The following JKAMP variants were observed in gnomAD, a reference collection of about 807,000 sequenced individuals.
JKAMP encodes JNK1/MAPK8 associated membrane protein, also known as JNK1/MAPK8-associated membrane protein.
In JKAMP, 20 loss-of-function variants were observed where a neutral mutation model predicts 40.2. The observed-to-expected ratio is 0.50, with a 90% CI of 0.35 to 0.72. The LOEUF (loss-of-function observed/expected upper bound fraction) is 0.72, where lower values mean the gene tolerates loss of function less well. JKAMP is among the 30% of genes least tolerant of loss of function. The probability of loss-of-function intolerance (pLI) is 0.01; values close to 1 mark genes in which losing one functional copy is unlikely to be tolerated. For missense variants in JKAMP, 276 were observed against 373.0 expected (o/e 0.74, Z 2.14); for synonymous variants, 138 against 131.6 (o/e 1.05, Z -0.33).
At chr14:59,503,730 C>T (rs1015343978) in intron 6 of JKAMP, 124 bp from the exon 7 acceptor site, 10 of 628,924 alleles carry the variant, frequency 1.6e-5, no homozygotes, top group Middle Eastern at 4.3e-4. Context: ...TCTTTTTTAG[C>T]TCAAACATTT....
At chr14:59,487,613 G>A in intron 2 of JKAMP, 61 bp from the exon 3 acceptor site, 1 of 1,235,856 alleles carries the variant, frequency 8.1e-7, no homozygotes, top group Non-Finnish European at 1.2e-6. Context: ...GAATGATTTG[G>A]GGGGGTGTTA....
intron 3 of JKAMP, among the ~76,000 whole-genome samples, chr14:59,493,208 A>G (rs1891167072): frequency 6.6e-6 from 1 of 152,198 alleles, no homozygotes; most frequent in Admixed American, 6.5e-5. Flanking sequence ...ATAAACAGAA[A>G]TTCACACCTG....
At chr14:59,491,154 A>G (rs1594936846) in intron 3 of JKAMP, among the ~76,000 whole-genome samples, 1 of 152,240 alleles carries the variant, frequency 6.6e-6, no homozygotes, top group Non-Finnish European at 1.5e-5. Context: ...AACTGGGGAT[A>G]ACCCCTGAGC....
In JKAMP at chr14:59,505,270, T is replaced by G. The variant is rs1566586765; in HGVS notation, c.*1198T>G. On this transcript the variant is annotated 3_prime_UTR_variant, in exon 7 of 7. Transcript: ENST00000616435. Reference sequence around the variant, plus strand: ...TGTTAATGTATTTTTCTCAGTACATTTAACCACTGGGAAATGAACCCTTGT... The same window carrying G: ...TGTTAATGTATTTTTCTCAGTACATGTAACCACTGGGAAATGAACCCTTGT... 6.6e-7 allele frequency: 1 copy of G among 1,510,382 alleles called. No individual in the cohort carries two copies. Among genetic ancestry groups the G allele is most frequent in the East Asian group, 2.5e-5 (1 of 40,562 alleles). The allele number at this position is 1,510,382 out of a possible 1,614,324, so 93.6% of individuals were successfully genotyped here.
At chr14:59,492,200 G>A (rs1353061510) in intron 3 of JKAMP, among the ~76,000 whole-genome samples, 1 of 152,124 alleles carries the variant, frequency 6.6e-6, no homozygotes, top group African/African-American at 2.4e-5. Context: ...ATAAATACAT[G>A]TGATGGGGAA....
intron 3 of JKAMP, among the ~76,000 whole-genome samples, chr14:59,494,322 A>G (rs1200278620): frequency 6.6e-6 from 1 of 152,246 alleles, no homozygotes; most frequent in African/African-American, 2.4e-5. Flanking sequence ...TAACCACAGA[A>G]TGGATAAACA....
At chr14:59,494,827 T>C (rs1891317165) in intron 3 of JKAMP, among the ~76,000 whole-genome samples, 191 bp from the exon 4 acceptor site, 1 of 152,244 alleles carries the variant, frequency 6.6e-6, no homozygotes, top group South Asian at 2.1e-4. Context: ...AATTTCTGCT[T>C]TTCTGTTACA....
chr14:59,500,943 G>A, intron 5 of JKAMP: 2 of 403,226 alleles, frequency 5.0e-6, no homozygotes, highest in Admixed American at 8.7e-5. Context: ...ATTCTCTATG[G>A]CTGCTTTCCC....
Position 59,495,014 on chromosome 14 carries a change from C to T in JKAMP, c.252-4C>T, listed in dbSNP as rs1457466455. 6 of 1,610,480 alleles carry T rather than the reference C, an allele frequency of 3.7e-6. No individual in the cohort carries two copies. The highest frequency in any genetic ancestry group is 5.1e-6 in the Non-Finnish European group (6 of 1,177,144). ...TAGTAATCATGCCTCTTTTCCTTCTCTAGTTCCAGCGCACTTTTCCAACAC... is the reference window on the plus strand; with the variant it reads ...TAGTAATCATGCCTCTTTTCCTTCTTTAGTTCCAGCGCACTTTTCCAACAC... On this transcript the variant is annotated splice_region_variant and splice_polypyrimidine_tract_variant and intron_variant, in intron 3 of 6. Coordinates refer to ENST00000616435, the MANE Select transcript of JKAMP (RefSeq NM_016475.5).
intron 5 of JKAMP, chr14:59,500,846 C>A: frequency 6.0e-6 from 1 of 166,768 alleles, no homozygotes; most frequent in Non-Finnish European, 1.3e-5. Flanking sequence ...AATCAAAAGA[C>A]TTATATTTCT....
rs776995090 is a variant in JKAMP, at chr14:59,495,240, G to C, written c.458+16G>C. 5 of 1,528,832 alleles carry C rather than the reference G, an allele frequency of 3.3e-6. No individual in the cohort carries two copies. The highest frequency in any genetic ancestry group is 2.7e-6 in the Non-Finnish European group (3 of 1,114,788). 94.7% of individuals were successfully genotyped at this position (1,528,832 alleles called of 1,614,324 possible). On this transcript the variant is annotated intron_variant, in intron 4 of 6. Transcript: ENST00000616435. ...TCTACCCACTGTAAGTGTTTATTTC[G>C]ACTTAAGATCATTGTTTTTTTTTAA...
intron 6 of JKAMP, among the ~76,000 whole-genome samples, chr14:59,502,773 T>TTGTGTTTTTTTTTTTTTTTTTTTTTTTTG (rs796697193): frequency 9.7e-6 from 1 of 102,836 alleles, no homozygotes; most frequent in Non-Finnish European, 1.8e-5. Flanking sequence ...TTTTTTTTTT[T>TTGTGTTTTTTTTTTTTTTTTTTTTTTTTG]CGGAGTCTCA....
chr14:59,494,866 TTATC>T (rs1353785347), intron 3 of JKAMP, among the ~76,000 whole-genome samples, 148 bp from the exon 4 acceptor site: 1 of 152,208 alleles, frequency 6.6e-6, no homozygotes, highest in Non-Finnish European at 1.5e-5. Context: ...ACAGTGTTAT[TTATC>T]CCTTTTGAGA....
intron 5 of JKAMP, among the ~76,000 whole-genome samples, chr14:59,500,125 T>TAA (rs1344233693): frequency 6.6e-6 from 1 of 152,218 alleles, no homozygotes; most frequent in East Asian, 1.9e-4. Context: ...TTTAGCTACT[T>TAA]ATAAGTTAAG....
chr14:59,500,938 C>G (rs1040249103), intron 5 of JKAMP: 1 of 397,474 alleles, frequency 2.5e-6, no homozygotes, highest in Non-Finnish European at 4.5e-6. Flanking sequence ...TATGTATTCT[C>G]TATGGCTGCT....
intron 1 of JKAMP, chr14:59,484,835 C>A: frequency 9.7e-7 from 1 of 1,028,374 alleles, no homozygotes; most frequent in Non-Finnish European, 1.4e-6. Flanking sequence ...GTTGTTTGGT[C>A]CGAAATGTCT....
chr14:59,504,007 T>C lies in JKAMP; in HGVS notation c.871T>C (p.Tyr291His). ...LALVPTPALF[Y>H]LFTAKFTEPS... is the part of the protein sequence containing the mutation. ...TTTGGTACCTACACCAGCCCTTTTTTACTTGTTCACTGCAAAATTTACCGA... is the reference window on the plus strand; with the variant it reads ...TTTGGTACCTACACCAGCCCTTTTTCACTTGTTCACTGCAAAATTTACCGA... The change falls in exon 7 of 7, where the codon TAC (tyrosine) becomes CAC (histidine). Residue 291 changes from tyrosine to histidine, a missense_variant. Coordinates refer to ENST00000616435, the MANE Select transcript of JKAMP (RefSeq NM_016475.5). 1.2e-6 allele frequency: 2 copies of C among 1,613,856 alleles called. No homozygotes were observed. Among genetic ancestry groups the C allele is most frequent in the South Asian group, 1.1e-5 (1 of 91,082 alleles).
At chr14:59,502,755 T>TGTTTTTTTTTCTTTGTTTTTGTTTTG (rs67189643) in intron 6 of JKAMP, among the ~76,000 whole-genome samples, 10 of 122,916 alleles carry the variant, frequency 8.1e-5, no homozygotes, top group African/African-American at 2.7e-4. Context: ...ATGAGATTTT[T>TGTTTTTTTTTCTTTGTTTTTGTTTTG]TTTTTTTTTT....
chr14:59,499,550 A>G (rs931524084), intron 5 of JKAMP, among the ~76,000 whole-genome samples: 3 of 152,208 alleles, frequency 2.0e-5, no homozygotes, highest in Non-Finnish European at 2.9e-5. Flanking sequence ...GAATAAGACA[A>G]ATTCACTGTT....
Sources: allele counts gnomAD v4.1 joint callset (sites outside exome capture counted in the v4.1 genomes callset), GRCh38; gene constraint gnomAD v4.1.1; transcripts MANE v1.5; gene names NCBI Gene and HGNC (gene_info 2026-07-23, HGNC 2026-07-21).